APTX: variants seen among roughly 807,000 people sequenced by gnomAD.
APTX encodes aprataxin, also known as forkhead-associated domain histidine triad-like protein.
Under a neutral mutation model 42.3 loss-of-function variants are expected in APTX, and 33 were observed. The ratio of observed to expected loss-of-function variants is 0.78; its 90% CI spans 0.59 to 1.04. APTX has a LOEUF of 1.04. Ranked by LOEUF, APTX falls within the 50% of genes least tolerant of loss-of-function variation. APTX has a pLI of 0.00. For synonymous variants in APTX, 130 were observed against 146.7 expected (o/e 0.89, Z 0.82); for missense variants, 421 against 415.1 (o/e 1.01, Z -0.12).
At chr9:33,008,493 G>A (rs998431650) in intron 1 of APTX, among the ~76,000 whole-genome samples, 29 of 151,564 alleles carry the variant, frequency 1.9e-4, no homozygotes, top group Non-Finnish European at 3.8e-4. Context: ...CTCCAAACTC[G>A]GCCTCCCAAA....
chr9:32,991,524 C>T (rs975839310), intron 1 of APTX, among the ~76,000 whole-genome samples: 1 of 152,110 alleles, frequency 6.6e-6, no homozygotes, highest in African/African-American at 2.4e-5. Context: ...TGTCTCAGGC[C>T]TGTAATCCCA....
chr9:33,008,742 G>A (rs1311870929), intron 1 of APTX, among the ~76,000 whole-genome samples: 1 of 152,068 alleles, frequency 6.6e-6, no homozygotes, highest in Non-Finnish European at 1.5e-5. Flanking sequence ...AGTAGAGATG[G>A]GGTTTTGCCA....
At chr9:33,001,638 C>G (rs773921912), upstream of APTX, 1 of 1,612,824 alleles carries the variant, frequency 6.2e-7, no homozygotes, top group Admixed American at 1.7e-5. Flanking sequence ...TGCGGGATGA[C>G]GTCAGAGGCC....
At chr9:33,022,930 C>CCTGG (rs1050599935) in intron 1 of APTX, among the ~76,000 whole-genome samples, 1 of 152,172 alleles carries the variant, frequency 6.6e-6, no homozygotes. Flanking sequence ...CAGCCTTGAC[C>CCTGG]TCCCAGGTCC....
intron 1 of APTX, among the ~76,000 whole-genome samples, chr9:33,017,864 G>T (rs902538939): frequency 6.6e-6 from 1 of 151,576 alleles, no homozygotes; most frequent in African/African-American, 2.4e-5. Flanking sequence ...CTCCCTGGAG[G>T]TCATAGTGTG....
intron 1 of APTX, among the ~76,000 whole-genome samples, chr9:33,010,031 G>C (rs746548795): frequency 7.2e-5 from 11 of 152,194 alleles, no homozygotes; most frequent in Non-Finnish European, 1.5e-4. Flanking sequence ...TCAGTCAAGA[G>C]TCCTGGGTTG....
chr9:33,023,369 A>G (rs539088655), intron 1 of APTX, among the ~76,000 whole-genome samples: 1 of 152,188 alleles, frequency 6.6e-6, no homozygotes, highest in Admixed American at 6.5e-5. Context: ...GACTACAGGC[A>G]CGTGCCACCA....
chr9:33,016,943 A>G lies in APTX; in HGVS notation c.-5+8080T>C, dbSNP rs972697170. ...CATATTCATTCATAATTTATTGAGTACCAACTCTGTACCAGGCAGTGTTCT... is the reference window on the plus strand; with the variant it reads ...CATATTCATTCATAATTTATTGAGTGCCAACTCTGTACCAGGCAGTGTTCT... On this transcript the variant is annotated intron_variant, in intron 1 of 6. Coordinates refer to the APTX transcript ENST00000436040. Among the ~76,000 whole-genome samples, 5 of 152,348 alleles carry G rather than the reference A, an allele frequency of 3.3e-5. No homozygotes were observed. In the East Asian group the frequency reaches 9.6e-4, roughly 29 times the overall value.
At chr9:33,006,066 GTTGTTTGT>G (rs148290929), upstream of APTX, among the ~76,000 whole-genome samples, 617 of 150,768 alleles carry the variant, frequency 4.1e-3, 4 homozygotes, top group Non-Finnish European at 6.7e-3. Context: ...TCAGGGTTTT[GTTGTTTGT>G]TTGTTTGTTT....
chr9:33,021,696 TAGTC>T (rs1838397682), intron 1 of APTX, among the ~76,000 whole-genome samples: 1 of 151,994 alleles, frequency 6.6e-6, no homozygotes, highest in African/African-American at 2.4e-5. Context: ...GATTTCACAT[TAGTC>T]AGGAAAAATA....
At chr9:32,980,594 G>C (rs1830467485) in intron 6 of APTX, among the ~76,000 whole-genome samples, 1 of 152,244 alleles carries the variant, frequency 6.6e-6, no homozygotes, top group East Asian at 1.9e-4. Context: ...GTTGTGTGAA[G>C]AAAGGACGGA....
intron 1 of APTX, among the ~76,000 whole-genome samples, chr9:32,997,850 T>C (rs886585127): frequency 6.6e-6 from 1 of 152,192 alleles, no homozygotes; most frequent in Non-Finnish European, 1.5e-5. Flanking sequence ...AATGGATGAA[T>C]GCATGGACAG....
At chr9:32,988,017 A>T (rs1329290939) in intron 3 of APTX, 66 bp downstream of exon 3, 2 of 1,563,734 alleles carry the variant, frequency 1.3e-6, no homozygotes, top group African/African-American at 2.7e-5. Flanking sequence ...GCTGGCACAG[A>T]CACTCTAAAG....
Position 32,974,438 on chromosome 9 carries a change from A to G in APTX, c.874+20T>C, listed in dbSNP as rs752366976. On this transcript the variant is annotated intron_variant, in intron 7 of 7. Transcript: ENST00000379817. ...GCTCAGAAAATGAAACAAATGTGAA[A>G]ACCAAGGAACACTGTTTACCTTGTG... is the stretch of plus-strand genomic sequence containing the variant. The G allele has an allele frequency of 7.0e-7, 1 of 1,420,954 alleles. No individual in the cohort carries two copies. Among genetic ancestry groups the G allele is most frequent in the Non-Finnish European group, 1.0e-6 (1 of 1,004,608 alleles). The allele number at this position is 1,420,954 out of a possible 1,614,324, so 88.0% of individuals were successfully genotyped here. A position where few individuals can be genotyped will look rare whatever the true frequency, so the allele number is the denominator to read the frequency against.
intron 6 of APTX, among the ~76,000 whole-genome samples, chr9:32,981,554 G>A (rs1830679419): frequency 6.6e-6 from 1 of 152,064 alleles, no homozygotes. Context: ...GAAGACCTAG[G>A]GCTCTTTGGA....
At chr9:32,979,247 T>A (rs140589529) in intron 6 of APTX, among the ~76,000 whole-genome samples, 9 of 152,280 alleles carry the variant, frequency 5.9e-5, no homozygotes, top group African/African-American at 2.2e-4. Context: ...TGTGTCCATG[T>A]GTGCTCCGTA....
chr9:32,990,837 CCT>C (rs1833447132), intron 1 of APTX, among the ~76,000 whole-genome samples: 1 of 152,162 alleles, frequency 6.6e-6, no homozygotes, highest in Non-Finnish European at 1.5e-5. Context: ...GTTTTCCTTC[CCT>C]GTCATGACAT....
chr9:32,988,039 A>C, intron 3 of APTX, 44 bp downstream of exon 3: 1 of 1,597,806 alleles, frequency 6.3e-7, no homozygotes. Context: ...CAACAGCATA[A>C]GAAAATCATC....
chr9:32,979,863 G>A (rs563731448), intron 6 of APTX: 119 of 172,180 alleles, frequency 6.9e-4, no homozygotes, highest in Middle Eastern at 2.5e-3. Context: ...TTTGCATTTC[G>A]TACCTATATT....
Sources: gnomAD v4.1 joint callset for allele counts (sites outside exome capture counted in the v4.1 genomes callset) on GRCh38, gnomAD v4.1.1 for gene constraint, MANE v1.5 for transcripts, NCBI Gene and HGNC (gene_info 2026-07-23, HGNC 2026-07-21) for gene names.